PROX1: variants seen among roughly 807,000 people sequenced by gnomAD.
PROX1 encodes the protein prospero homeobox 1.
Under a neutral mutation model 58.8 loss-of-function variants are expected in PROX1, and 7 were observed. That is an observed-to-expected ratio of 0.12 (90% confidence interval 0.07 to 0.22). PROX1 has a LOEUF of 0.22. Ranked by LOEUF, PROX1 falls within the 10% of genes least tolerant of loss-of-function variation. The pLI is 1.00. For synonymous variants in PROX1, 350 were observed against 358.3 expected, an observed-to-expected ratio of 0.98 and a Z score of 0.26; for missense variants, 675 against 927.8, an observed-to-expected ratio of 0.73 and a Z score of 3.54.
rs192687812 is a variant in PROX1 at position 214,024,815 on chromosome 1, G to A, written c.2029-10834G>A. Among the ~76,000 whole-genome samples, 19 of 152,312 alleles carry A rather than the reference G, an allele frequency of 1.2e-4. 1 individual carries two copies. The East Asian group carries it at 3.5e-3, about 28-fold the overall frequency. ...TGCAATATTGGAGTGTTTGTGCTAT[G>A]TTGTTTTTGGATAATGTCCCATCCA... On this transcript the variant is annotated intron_variant, in intron 4 of 4. Transcript: ENST00000366958.
chr1:214,022,093 G>A (rs960587863), intron 4 of PROX1, among the ~76,000 whole-genome samples: 1 of 152,118 alleles, frequency 6.6e-6, no homozygotes, highest in African/African-American at 2.4e-5. Flanking sequence ...AATGCTTTGG[G>A]GAGTCTTTCC....
chr1:213,994,767 A>ATG (rs1408478338), intron 1 of PROX1, among the ~76,000 whole-genome samples: 1 of 27,128 alleles, frequency 3.7e-5, no homozygotes, highest in Non-Finnish European at 7.5e-5. Context: ...ATATATATAT[A>ATG]TATATATATA....
chr1:214,011,749 C>A, intron 4 of PROX1, 34 bp downstream of exon 4: 2 of 1,504,736 alleles, frequency 1.3e-6, no homozygotes, highest in Non-Finnish European at 8.9e-7. Context: ...GGTCATCTCC[C>A]TTTTCCTTTT....
chr1:213,990,763 A>C (rs1458196679), intron 1 of PROX1, among the ~76,000 whole-genome samples: 2 of 151,828 alleles, frequency 1.3e-5, no homozygotes, highest in Admixed American at 6.6e-5. Context: ...CAAGAATTCC[A>C]AAGTCAGTTT....
intron 4 of PROX1, among the ~76,000 whole-genome samples, chr1:214,011,919 A>G (rs1054665018): frequency 6.6e-6 from 1 of 152,080 alleles, no homozygotes; most frequent in African/African-American, 2.4e-5. Flanking sequence ...TTTTTTCCCC[A>G]TTCCCTGGCT....
At chr1:214,001,951 T>C (rs1041583457) in intron 2 of PROX1, among the ~76,000 whole-genome samples, 11 of 152,152 alleles carry the variant, frequency 7.2e-5, no homozygotes, top group African/African-American at 2.7e-4. Context: ...TCACTGTCAT[T>C]ATGTGAGAGA....
intron 2 of PROX1, among the ~76,000 whole-genome samples, chr1:214,003,841 C>G (rs1663610385): frequency 6.6e-6 from 1 of 152,106 alleles, no homozygotes; most frequent in African/African-American, 2.4e-5. Context: ...TTCTGGTTTC[C>G]CTCCATTCTT....
chr1:214,023,023 C>G (rs1165944542), intron 4 of PROX1, among the ~76,000 whole-genome samples: 1 of 152,216 alleles, frequency 6.6e-6, no homozygotes, highest in Non-Finnish European at 1.5e-5. Flanking sequence ...TCCCAAGGCC[C>G]TATTTGCAGA....
chr1:213,992,634 A>G (rs926288084), intron 1 of PROX1, among the ~76,000 whole-genome samples: 2 of 152,166 alleles, frequency 1.3e-5, no homozygotes, highest in African/African-American at 2.4e-5. Context: ...CAATTTCTTC[A>G]AATAATTTTA....
In PROX1 at chr1:214,035,828, T is replaced by A. The variant is rs750392170; in HGVS notation, c.2208T>A (p.His736Gln). The change falls in exon 5 of 5, where the codon CAT becomes CAA. Residue 736 changes from histidine to glutamine, a missense_variant. Physicochemically the swap from His to Gln is conservative, Grantham distance 24. This residue lies in a region of PROX1 where 16 missense variants were observed against 21.0 expected (regional missense o/e 0.76). Transcript: ENST00000366958. The part of the protein sequence containing the change: ...KSPNCLQELL[H>Q]E ...CGAACTGCCTACAAGAGCTGCTTCA[T>A]GAGTAGAAATTTCAACAACTCTTTT... 1 of 1,607,410 alleles carries A rather than the reference T, an allele frequency of 6.2e-7. No individual in the cohort carries two copies. The highest frequency in any genetic ancestry group is 8.5e-7 in the Non-Finnish European group (1 of 1,177,068).
chr1:213,994,754 T>TATATAC (rs2102688506), intron 1 of PROX1, among the ~76,000 whole-genome samples: 1 of 11,126 alleles, frequency 9.0e-5, no homozygotes, highest in East Asian at 2.1e-3. Flanking sequence ...CATGCAAATA[T>TATATAC]ATATATATAT....
intron 3 of PROX1, among the ~76,000 whole-genome samples, chr1:214,008,534 G>C (rs1663801088): frequency 6.6e-6 from 1 of 152,204 alleles, no homozygotes; most frequent in Non-Finnish European, 1.5e-5. Flanking sequence ...GCTAGATGGG[G>C]TAAATCCTCT....
chr1:214,012,264 T>G (rs1663936184), intron 4 of PROX1, among the ~76,000 whole-genome samples: 1 of 152,208 alleles, frequency 6.6e-6, no homozygotes, highest in South Asian at 2.1e-4. Context: ...CATCTTTTTT[T>G]GGGATTTTGT....
At chr1:213,996,139 A>G (rs939824276) in intron 1 of PROX1, among the ~76,000 whole-genome samples, 10 of 152,090 alleles carry the variant, frequency 6.6e-5, no homozygotes, top group African/African-American at 2.2e-4. Flanking sequence ...AAATTTAATC[A>G]ATTGGTTGTC....
At chr1:214,033,756 T>A (rs1380269935) in intron 4 of PROX1, among the ~76,000 whole-genome samples, 1 of 152,196 alleles carries the variant, frequency 6.6e-6, no homozygotes, top group East Asian at 1.9e-4. Context: ...TGGAGGATTA[T>A]CTTTGGGGGT....
At chr1:214,017,738 G>A (rs1571830138) in intron 4 of PROX1, among the ~76,000 whole-genome samples, 3 of 152,074 alleles carry the variant, frequency 2.0e-5, no homozygotes, top group South Asian at 4.1e-4. Flanking sequence ...CCCAACAGGC[G>A]AAGCCATTTA....
chr1:214,031,478 T>C (rs1664655666), intron 4 of PROX1, among the ~76,000 whole-genome samples: 1 of 152,082 alleles, frequency 6.6e-6, no homozygotes, highest in Non-Finnish European at 1.5e-5. Flanking sequence ...CAGGGCCTTC[T>C]CCCCTCCTCC....
upstream of PROX1, chr1:213,987,621 G>T (rs1298161414): frequency 4.8e-5 from 7 of 147,106 alleles, no homozygotes; most frequent in African/African-American, 1.7e-4. Flanking sequence ...CGCCGCTCGC[G>T]CCGTCTCCCG....
chr1:214,002,228 G>A (rs1266004107), intron 2 of PROX1, among the ~76,000 whole-genome samples: 2 of 151,944 alleles, frequency 1.3e-5, no homozygotes, highest in East Asian at 1.9e-4. Context: ...TGCTCCTCCC[G>A]TGGCTGCTGT....
Sources: allele counts gnomAD v4.1 joint callset (sites outside exome capture counted in the v4.1 genomes callset), GRCh38; gene constraint gnomAD v4.1.1; regional missense constraint gnomAD v4.1.1; transcripts MANE v1.5; gene names NCBI Gene and HGNC (gene_info 2026-07-23, HGNC 2026-07-21).